The following UGGT2 variants were observed in gnomAD, a reference collection of about 807,000 sequenced individuals.
The protein encoded by UGGT2 is UDP-glucose:glycoprotein glucosyltransferase 2.
In UGGT2, 180 loss-of-function variants were observed where a neutral mutation model predicts 192.1. That is an observed-to-expected ratio of 0.94 (90% confidence interval 0.83 to 1.06). The LOEUF (loss-of-function observed/expected upper bound fraction) is 1.06, where lower values mean the gene tolerates loss of function less well. Ranked by LOEUF, UGGT2 falls within the 50% of genes least tolerant of loss-of-function variation. UGGT2 has a pLI of 0.00. For synonymous variants in UGGT2, 580 were observed against 591.0 expected, an observed-to-expected ratio of 0.98 and a Z score of 0.27; for missense variants, 1,849 against 1,795.7, an observed-to-expected ratio of 1.03 and a Z score of -0.54.
chr13:95,894,758 G>T, intron 23 of UGGT2, 101 bp from the exon 24 acceptor site: 1 of 958,846 alleles, frequency 1.0e-6, no homozygotes, highest in Admixed American at 2.3e-5. Context: ...TCTGAACATG[G>T]TTAAATCTAC....
At chr13:95,829,208 G>A (rs1886393051) in intron 38 of UGGT2, among the ~76,000 whole-genome samples, 1 of 152,060 alleles carries the variant, frequency 6.6e-6, no homozygotes, top group South Asian at 2.1e-4. Flanking sequence ...CCCACAGCCA[G>A]TATCATACTG....
intron 38 of UGGT2, among the ~76,000 whole-genome samples, chr13:95,816,925 A>G (rs1257972632): frequency 2.6e-5 from 4 of 151,962 alleles, no homozygotes. Flanking sequence ...TCAGGAGTTC[A>G]AGACCAGCCT....
At chr13:95,926,149 A>G (rs1427373635) in intron 19 of UGGT2, among the ~76,000 whole-genome samples, 1 of 152,148 alleles carries the variant, frequency 6.6e-6, no homozygotes, top group Non-Finnish European at 1.5e-5. Context: ...TAAAACCGTA[A>G]CAATCAAGCT....
chr13:95,992,668 T>A (rs147243336), intron 7 of UGGT2, among the ~76,000 whole-genome samples: 1 of 151,974 alleles, frequency 6.6e-6, no homozygotes. Flanking sequence ...AAGAAACATA[T>A]GAAAAAATGC....
chr13:96,018,741 AAAAAAAAAC>A (rs2052417467), intron 4 of UGGT2, among the ~76,000 whole-genome samples: 2 of 56,704 alleles, frequency 3.5e-5, no homozygotes, highest in African/African-American at 1.2e-4. Context: ...TTATAATTGA[AAAAAAAAAC>A]AAAAAAAACA....
chr13:95,902,414 A>C (rs1342335728), intron 21 of UGGT2, among the ~76,000 whole-genome samples: 1 of 152,156 alleles, frequency 6.6e-6, no homozygotes, highest in East Asian at 1.9e-4. Flanking sequence ...GAACAGGGAC[A>C]GGGACTCTAT....
rs993110846 is a variant in UGGT2 at position 95,809,231 on chromosome 13, T to G, written c.4529-7419A>C. 3.3e-4 allele frequency: 184 copies of G among 562,710 alleles called. 1 individual carries two copies. Among genetic ancestry groups the G allele is most frequent in the Admixed American group, 1.6e-4 (7 of 43,896 alleles). The allele number at this position is 562,710 out of a possible 1,614,324, so 34.9% of individuals were successfully genotyped here. Reference sequence around the variant, plus strand: ...TACTAAAAAACTTGCATTTACAAAATAGTTGATAAAAATATTCCTCTGAAT... The same window carrying G: ...TACTAAAAAACTTGCATTTACAAAAGAGTTGATAAAAATATTCCTCTGAAT... On this transcript the variant is annotated intron_variant, in intron 38 of 38. Transcript: ENST00000376747.
At chr13:95,903,498 C>T (rs1439157246) in intron 20 of UGGT2, among the ~76,000 whole-genome samples, 2 of 152,168 alleles carry the variant, frequency 1.3e-5, no homozygotes, top group African/African-American at 4.8e-5. Flanking sequence ...ATGGTAATAA[C>T]AACTTTGCTC....
chr13:95,865,596 G>A (rs959694233), intron 30 of UGGT2, among the ~76,000 whole-genome samples: 11 of 152,170 alleles, frequency 7.2e-5, no homozygotes, highest in African/African-American at 2.2e-4. Flanking sequence ...CTTAGGAGAC[G>A]GAGGCTGCAG....
At chr13:95,967,291 T>C (rs1459853052) in intron 12 of UGGT2, among the ~76,000 whole-genome samples, 1 of 151,918 alleles carries the variant, frequency 6.6e-6, no homozygotes, top group African/African-American at 2.4e-5. Context: ...TAGCTGGGAC[T>C]ACAGGCACGT....
At chr13:95,808,260 C>T (rs968499471) in intron 38 of UGGT2, among the ~76,000 whole-genome samples, 2 of 152,128 alleles carry the variant, frequency 1.3e-5, no homozygotes, top group African/African-American at 4.8e-5. Context: ...TTATCTTTAT[C>T]TTCAAGGCTT....
chr13:95,840,116 A>G (rs1887707151), intron 36 of UGGT2, among the ~76,000 whole-genome samples: 2 of 152,204 alleles, frequency 1.3e-5, no homozygotes, highest in Admixed American at 1.3e-4. Context: ...AGGCAATACC[A>G]TTCAGGACAC....
At chr13:95,825,098 T>C (rs572981256) in intron 38 of UGGT2, among the ~76,000 whole-genome samples, 13 of 152,290 alleles carry the variant, frequency 8.5e-5, no homozygotes, top group African/African-American at 2.9e-4. Flanking sequence ...AATAGTCATG[T>C]ACTCAGTGTG....
At chr13:95,897,928 T>C (rs1279905174) in intron 22 of UGGT2, among the ~76,000 whole-genome samples, 1 of 152,094 alleles carries the variant, frequency 6.6e-6, no homozygotes. Context: ...CTGAATTCTC[T>C]TTCCTTCTTC....
At chr13:95,961,903 A>G (rs559602734) in intron 12 of UGGT2, among the ~76,000 whole-genome samples, 1 of 152,118 alleles carries the variant, frequency 6.6e-6, no homozygotes, top group Admixed American at 6.5e-5. Context: ...TCACACCACA[A>G]TGGAATAAAA....
chr13:95,882,044 T>C (rs1177471417), intron 27 of UGGT2, among the ~76,000 whole-genome samples: 1 of 151,896 alleles, frequency 6.6e-6, no homozygotes, highest in Non-Finnish European at 1.5e-5. Flanking sequence ...GAGTAGCTGG[T>C]ATTACAGGCA....
intron 1 of UGGT2, among the ~76,000 whole-genome samples, chr13:96,042,314 G>A (rs1346881259): frequency 1.3e-5 from 2 of 152,168 alleles, no homozygotes; most frequent in Non-Finnish European, 2.9e-5. Flanking sequence ...AGGAAAAGAA[G>A]GAGAGTACTA....
chr13:95,844,240 G>A (rs1888162186), intron 36 of UGGT2, among the ~76,000 whole-genome samples: 1 of 152,190 alleles, frequency 6.6e-6, no homozygotes, highest in South Asian at 2.1e-4. Flanking sequence ...GGGATTACAG[G>A]CGTGAGCCAC....
intron 15 of UGGT2, among the ~76,000 whole-genome samples, chr13:95,940,620 T>C (rs1392218499): frequency 6.6e-6 from 1 of 151,876 alleles, no homozygotes; most frequent in Non-Finnish European, 1.5e-5. Context: ...CCTGGCTAGA[T>C]TTTTTGGTAT....
Sources: gnomAD v4.1 joint callset for allele counts (sites outside exome capture counted in the v4.1 genomes callset) on GRCh38, gnomAD v4.1.1 for gene constraint, MANE v1.5 for transcripts, NCBI Gene and HGNC (gene_info 2026-07-23, HGNC 2026-07-21) for gene names.